THEMIS: variants seen among roughly 807,000 people sequenced by gnomAD.
THEMIS encodes protein THEMIS.
In THEMIS, 37 loss-of-function variants were observed where a neutral mutation model predicts 52.6. The observed-to-expected ratio is 0.70, with a 90% CI of 0.54 to 0.93. The LOEUF (loss-of-function observed/expected upper bound fraction) is 0.93. Among genes scored for constraint, THEMIS ranks in the 40% least tolerant of loss-of-function variants. The pLI, the probability that THEMIS is intolerant of heterozygous loss-of-function variation, is 0.00. For synonymous variants in THEMIS, 292 were observed against 272.7 expected (o/e 1.07, Z -0.70); for missense variants, 808 against 763.1 (o/e 1.06, Z -0.69).
At chr6:127,896,429 G>GA (rs1230064069) in intron 1 of THEMIS, among the ~76,000 whole-genome samples, 1 of 151,194 alleles carries the variant, frequency 6.6e-6, no homozygotes, top group Non-Finnish European at 1.5e-5. Context: ...GAATAAATCT[G>GA]AAAAAATACA....
intron 3 of THEMIS, among the ~76,000 whole-genome samples, chr6:127,818,646 C>A (rs1400553974): frequency 1.3e-5 from 2 of 149,566 alleles, no homozygotes; most frequent in Non-Finnish European, 3.0e-5. Context: ...AGAGACAAAT[C>A]AAGCATCAAA....
At chr6:127,856,338 C>A (rs907948730) in intron 1 of THEMIS, among the ~76,000 whole-genome samples, 2 of 151,872 alleles carry the variant, frequency 1.3e-5, no homozygotes, top group African/African-American at 2.4e-5. Context: ...ATCAGAGTCC[C>A]AATAGGTAAC....
chr6:127,853,846 C>T (rs1473434783), intron 2 of THEMIS, among the ~76,000 whole-genome samples: 1 of 151,572 alleles, frequency 6.6e-6, no homozygotes, highest in African/African-American at 2.4e-5. Flanking sequence ...GGGTAAATAA[C>T]TTGTCAAAGT....
intron 4 of THEMIS, among the ~76,000 whole-genome samples, chr6:127,747,482 T>G (rs1031074733): frequency 6.7e-6 from 1 of 150,286 alleles, no homozygotes; most frequent in African/African-American, 2.4e-5. Flanking sequence ...ATGTTAAATT[T>G]ATATTAAAGT....
At chr6:127,827,325 C>T (rs982120570) in intron 3 of THEMIS, among the ~76,000 whole-genome samples, 1 of 152,144 alleles carries the variant, frequency 6.6e-6, no homozygotes, top group Non-Finnish European at 1.5e-5. Flanking sequence ...AAGGAATATT[C>T]TGCAGTCAAT....
At chr6:127,714,514 T>A (rs1005380446) in intron 5 of THEMIS, among the ~76,000 whole-genome samples, 6 of 151,958 alleles carry the variant, frequency 3.9e-5, no homozygotes, top group Non-Finnish European at 8.8e-5. Flanking sequence ...TAGGCCATGA[T>A]GGTTTCCCAG....
intron 4 of THEMIS, among the ~76,000 whole-genome samples, chr6:127,787,589 ATAT>A (rs1776994593): frequency 6.6e-6 from 1 of 152,182 alleles, no homozygotes; most frequent in South Asian, 2.1e-4. Flanking sequence ...TACTGTAAAC[ATAT>A]TATTACTGGG....
chr6:127,736,006 G>A (rs996911381), intron 4 of THEMIS, among the ~76,000 whole-genome samples: 1 of 151,998 alleles, frequency 6.6e-6, no homozygotes, highest in Non-Finnish European at 1.5e-5. Flanking sequence ...TTTGCTGGTG[G>A]GCACTAACAC....
At chr6:127,707,776 A>G (rs945952566), downstream of THEMIS, among the ~76,000 whole-genome samples, 1 of 152,066 alleles carries the variant, frequency 6.6e-6, no homozygotes, top group Non-Finnish European at 1.5e-5. Flanking sequence ...AAGTCTCATT[A>G]TATGTTGACT....
At chr6:127,828,622 G>C (rs373885299) in intron 3 of THEMIS, among the ~76,000 whole-genome samples, 1 of 152,034 alleles carries the variant, frequency 6.6e-6, no homozygotes, top group African/African-American at 2.4e-5. Flanking sequence ...CCAGATATTC[G>C]TATTTCAAAA....
At position 127,709,413 on chromosome 6, in the gene THEMIS, T is replaced by C. The variant is rs939597844; in HGVS notation, c.*572A>G. The C allele has an allele frequency of 1.3e-5, 2 of 152,008 alleles. No individual in the cohort carries two copies. The highest frequency in any genetic ancestry group is 4.8e-5 in the African/African-American group (2 of 41,406). 9.4% of individuals were successfully genotyped at this position (152,008 alleles called of 1,614,324 possible). On this transcript the variant is annotated 3_prime_UTR_variant, in exon 6 of 6. Coordinates refer to ENST00000368248, the MANE Select transcript of THEMIS (RefSeq NM_001010923.3). ...GGCTTTGGCTGTTGGAATTCAAACA[T>C]ATTTATGACACAGCGTATTTTGTAA...
intron 4 of THEMIS, among the ~76,000 whole-genome samples, chr6:127,810,276 C>T (rs966142031): frequency 1.3e-5 from 2 of 152,076 alleles, no homozygotes; most frequent in African/African-American, 4.8e-5. Flanking sequence ...TCTTCACATC[C>T]TGCAATTCTG....
rs778291597 is a variant in THEMIS at position 127,710,045 on chromosome 6, G to C, written c.1895-29C>G. ...TAAATAAAAAAAGAAGGGTTTATCA[G>C]AAATAAGTATTGAAAATAACCAGAA... On this transcript the variant is annotated intron_variant, in intron 5 of 5. Coordinates refer to ENST00000368248, the MANE Select transcript of THEMIS (RefSeq NM_001010923.3). The C allele has an allele frequency of 4.1e-6, 6 of 1,474,364 alleles. No homozygotes were observed. In the South Asian group the frequency reaches 7.5e-5, roughly 18 times the overall value. The allele number at this position is 1,474,364 out of a possible 1,614,324, so 91.3% of individuals were successfully genotyped here. A position where few individuals can be genotyped will look rare whatever the true frequency, so the allele number is the denominator to read the frequency against.
chr6:127,838,638 A>G (rs1778947390), intron 2 of THEMIS, among the ~76,000 whole-genome samples: 1 of 152,060 alleles, frequency 6.6e-6, no homozygotes, highest in Non-Finnish European at 1.5e-5. Context: ...TTTCCTTAAA[A>G]TGTGATGTTT....
At chr6:127,798,719 G>A (rs573065959) in intron 4 of THEMIS, among the ~76,000 whole-genome samples, 1 of 152,186 alleles carries the variant, frequency 6.6e-6, no homozygotes, top group Non-Finnish European at 1.5e-5. Flanking sequence ...GGCCGGGCGC[G>A]GTGGCTCACG....
intron 3 of THEMIS, among the ~76,000 whole-genome samples, chr6:127,814,670 A>G (rs1778064367): frequency 6.6e-6 from 1 of 152,212 alleles, no homozygotes; most frequent in Admixed American, 6.5e-5. Flanking sequence ...TATGCTGGTG[A>G]GTACTCACCA....
At chr6:127,857,151 C>A (rs1779645627) in intron 1 of THEMIS, among the ~76,000 whole-genome samples, 1 of 151,498 alleles carries the variant, frequency 6.6e-6, no homozygotes. Context: ...CCCCCAGAAG[C>A]ATTGTCTTGA....
At chr6:127,760,664 T>C (rs767393055) in intron 4 of THEMIS, among the ~76,000 whole-genome samples, 3 of 151,920 alleles carry the variant, frequency 2.0e-5, no homozygotes, top group Non-Finnish European at 2.9e-5. Flanking sequence ...CATCTCTAGG[T>C]ACTAGAGTGG....
chr6:127,787,293 C>A (rs1382631545), intron 4 of THEMIS, among the ~76,000 whole-genome samples: 3 of 152,074 alleles, frequency 2.0e-5, no homozygotes, highest in Admixed American at 6.6e-5. Context: ...CACACACACA[C>A]ACAAACACAT....
Sources: gnomAD v4.1 joint callset for allele counts (sites outside exome capture counted in the v4.1 genomes callset) on GRCh38, gnomAD v4.1.1 for gene constraint, MANE v1.5 for transcripts, NCBI Gene and HGNC (gene_info 2026-07-23, HGNC 2026-07-21) for gene names.